The following TTN variants were observed in gnomAD, a reference collection of about 807,000 sequenced individuals.
TTN encodes titin, also known as connectin.
Under a neutral mutation model 3,223.0 loss-of-function variants are expected in TTN, and 1,525 were observed. The ratio of observed to expected loss-of-function variants is 0.47; its 90% CI spans 0.45 to 0.49. The LOEUF is 0.49. Ranked by LOEUF, TTN falls within the 20% of genes least tolerant of loss-of-function variation. The pLI, the probability that TTN is intolerant of heterozygous loss-of-function variation, is 0.00. For missense variants in TTN, 40,786 were observed against 43,424.0 expected (o/e 0.94, Z 5.40); for synonymous variants, 14,094 against 15,161.0 (o/e 0.93, Z 5.17).
chr2:178,732,484 T>C lies in TTN; in HGVS notation c.16577A>G (p.Asn5526Ser), dbSNP rs767376352. 3.1e-6 allele frequency: 5 copies of C among 1,613,028 alleles called. No homozygotes were observed. Among genetic ancestry groups the C allele is most frequent in the African/African-American group, 2.7e-5 (2 of 74,872 alleles). The stretch of plus-strand genomic sequence containing the variant: ...ACTGCATTCCACCCCTCCAGCGACA[T>C]TGCTGACTTTACATGTGTACGTGCC... ...DSGTYTCKVS[N>S]VAGGVECSAN... Residue 5526 changes from asparagine (N) to serine (S), a missense_variant, in exon 56 of 363, where the codon AAT becomes AGT. Coordinates refer to ENST00000589042, the MANE Select transcript of TTN (RefSeq NM_001267550.2).
At chr2:178,715,321 A>C in intron 89 of TTN, 57 bp from the exon 90 acceptor site, 1 of 1,529,046 alleles carries the variant, frequency 6.5e-7, no homozygotes, top group Non-Finnish European at 8.8e-7. Context: ...AGTTAAAAGT[A>C]AGAATCAATC....
At chr2:178,681,054 C>T in intron 138 of TTN, 25 bp downstream of exon 138, 1 of 1,560,918 alleles carries the variant, frequency 6.4e-7, no homozygotes, top group Non-Finnish European at 8.7e-7. Context: ...GAAAAGATCA[C>T]AATCGAGGAA....
At position 178,558,369 on chromosome 2, in the gene TTN, CAGA is replaced by C. The variant is rs771679119; in HGVS notation, c.87087_87089del (p.Leu29031del). ...GTTGCTCCTTAATAAGAACAGGAAG[CAGA>C]AGCTCTCTCGGGTCACTCAGGCCAG... On this transcript the variant is annotated inframe_deletion, in exon 327 of 363. Transcript: ENST00000589042. 6.2e-7 allele frequency: 1 copy of C among 1,613,434 alleles called. No homozygotes were observed. The highest frequency in any genetic ancestry group is 1.7e-5 in the Admixed American group (1 of 59,944).
intron 167 of TTN, 57 bp downstream of exon 167, chr2:178,664,597 A>G: frequency 6.2e-7 from 1 of 1,606,244 alleles, no homozygotes; most frequent in Non-Finnish European, 8.5e-7. Flanking sequence ...AATCAGGAAA[A>G]ACATTTATAC....
At chr2:178,693,712 T>A in intron 118 of TTN, 23 bp from the exon 119 acceptor site, 1 of 1,541,588 alleles carries the variant, frequency 6.5e-7, no homozygotes, top group Non-Finnish European at 8.9e-7. Flanking sequence ...TACATTTTAA[T>A]TACTGATATG....
rs182907667 is a variant in TTN, at chr2:178,594,080, G to A, written c.58313C>T (p.Thr19438Ile). The change falls in exon 297 of 363, where the codon ACA becomes ATA. Residue 19438 changes from threonine (T) to isoleucine (I), a missense_variant. By Grantham distance (89) the Thr-to-Ile change is moderately conservative. Transcript: ENST00000589042. ...LEDDRTHIKT[T>I]PATLALEKIK... ...CTTCTCTAAAGCAAGTGTTGCTGGTGTAGTCTTTATATGAGTGCGATCATC... is the reference window on the plus strand; with the variant it reads ...CTTCTCTAAAGCAAGTGTTGCTGGTATAGTCTTTATATGAGTGCGATCATC... 6.2e-7 allele frequency: 1 copy of A among 1,613,452 alleles called. No homozygotes were observed. The highest frequency in any genetic ancestry group is 2.2e-5 in the East Asian group (1 of 44,742).
chr2:178,723,122 T>G lies in TTN; in HGVS notation c.21885A>C (p.Arg7295Ser), dbSNP rs1411254237. The change falls in exon 75 of 363, where the codon AGA (arginine) becomes AGC (serine). Residue 7295 changes from arginine to serine, a missense_variant. By Grantham distance (110) the Arg-to-Ser change is moderately radical. Coordinates refer to ENST00000589042, the MANE Select transcript of TTN (RefSeq NM_001267550.2). ...CILEILNSTK[R>S]DAGQYSCEIE... Reference sequence around the variant, plus strand: ...TCTCGCAGGAATACTGCCCTGCATCTCTTTTTGTGCTATTCAGAATTTCCA... The same window carrying G: ...TCTCGCAGGAATACTGCCCTGCATCGCTTTTTGTGCTATTCAGAATTTCCA... 5 of 1,613,504 alleles carry G rather than the reference T, an allele frequency of 3.1e-6. No individual in the cohort carries two copies. The African/African-American group carries it at 4.0e-5, about 13-fold the overall frequency.
chr2:178,611,652 T>C lies in TTN; in HGVS notation c.50577A>G (p.Leu16859=). 6.2e-7 allele frequency: 1 copy of C among 1,613,002 alleles called. No homozygotes were observed. Among genetic ancestry groups the C allele is most frequent in the East Asian group, 2.2e-5 (1 of 44,684 alleles). The change falls in exon 269 of 363, where the codon CTA becomes CTG. Residue 16859 remains leucine (L), a synonymous_variant. Coordinates refer to ENST00000589042, the MANE Select transcript of TTN (RefSeq NM_001267550.2). ...PTSPPSPPLD[L]HVTDAGRKHI... is the part of the protein sequence containing the mutation. Reference sequence around the variant, plus strand: ...GTTTTCTCCCAGCATCAGTCACATGTAGGTCAAGGGGTGGTGAGGGAGGAC... The same window carrying C: ...GTTTTCTCCCAGCATCAGTCACATGCAGGTCAAGGGGTGGTGAGGGAGGAC...
In TTN at chr2:178,733,068, C is replaced by T; in HGVS notation, c.16108G>A (p.Val5370Ile). ...CAGTCCAGTCTGCAGGTACCATTAACAACACTATCCACGTTGCGCAAGGGT... is the reference window on the plus strand; with the variant it reads ...CAGTCCAGTCTGCAGGTACCATTAATAACACTATCCACGTTGCGCAAGGGT... ...TKPLRNVDSV[V>I]NGTCRLDCKI... Residue 5370 changes from valine (V) to isoleucine (I), a missense_variant, in exon 55 of 363, where the codon GTT (valine) becomes ATT (isoleucine). Val to Ile is a conservative substitution (Grantham distance 29). Transcript: ENST00000589042. The T allele has an allele frequency of 1.9e-6, 3 of 1,610,266 alleles. No homozygotes were observed. Among genetic ancestry groups the T allele is most frequent in the South Asian group, 1.1e-5 (1 of 90,632 alleles).
rs1193239944 is a variant in TTN, at chr2:178,609,983, G to T, written c.51440C>A (p.Pro17147His). The T allele has an allele frequency of 5.6e-6, 9 of 1,610,112 alleles. No homozygotes were observed. The highest frequency in any genetic ancestry group is 7.6e-6 in the Non-Finnish European group (9 of 1,178,550). Residue 17147 changes from proline to histidine, a missense_variant, in exon 272 of 363, where the codon CCC becomes CAC. Physicochemically the swap from Pro to His is moderately conservative, Grantham distance 77 (BLOSUM62 -2). Coordinates refer to ENST00000589042, the MANE Select transcript of TTN (RefSeq NM_001267550.2). ...NPVIAQDPKQ[P>H]PDPPVDVEVH... is the part of the protein sequence containing the mutation. ...CTCTACATCTACAGGTGGATCAGGG[G>T]GTTCTGAAGAACAAGAAAAAAATGT...
At position 178,732,631 on chromosome 2, in the gene TTN, GT is replaced by G; in HGVS notation, c.16429del (p.Thr5477LeufsTer27). The G allele has an allele frequency of 6.2e-7, 1 of 1,613,360 alleles. No individual in the cohort carries two copies. Among genetic ancestry groups the G allele is most frequent in the Non-Finnish European group, 8.5e-7 (1 of 1,179,638 alleles). Reference protein sequence around the residue: ...VCLKSTFQGSTPLTIRWFKGN... With the variant: ...VCLKSTFQGSXPLTIRWFKGN... ...CTTAAACCATCTGATTGTGAGAGGA[GT>G]AGATCCTTGGAAAGTGCTCTTCAGG... On this transcript the variant is annotated frameshift_variant, in exon 56 of 363. Coordinates refer to ENST00000589042, the MANE Select transcript of TTN (RefSeq NM_001267550.2). LOFTEE classifies it high-confidence loss of function.
chr2:178,540,481 G>C, intron 350 of TTN, 111 bp from the exon 351 acceptor site: 1 of 944,926 alleles, frequency 1.1e-6, no homozygotes, highest in Admixed American at 2.9e-5. Flanking sequence ...ACATTAGCCT[G>C]TTTTTTTGTC....
In TTN at chr2:178,741,533, C is replaced by A; in HGVS notation, c.11700G>T (p.Lys3900Asn). ...TTTTTAGATAGGCACTACATATTGT[C>A]TTTCCATAGTCATTACTGGCCATAC... ...YTCMASNDYG[K>N]TICSAYLKIN... The change falls in exon 48 of 363, where the codon AAG (lysine) becomes AAT (asparagine). Residue 3900 changes from lysine to asparagine, a missense_variant. Lys to Asn is a moderately conservative substitution (Grantham distance 94). Transcript: ENST00000589042. 1 of 1,613,864 alleles carries A rather than the reference C, an allele frequency of 6.2e-7. No homozygotes were observed. Among genetic ancestry groups the A allele is most frequent in the Non-Finnish European group, 8.5e-7 (1 of 1,179,818 alleles).
At position 178,661,739 on chromosome 2, in the gene TTN, C is replaced by G; in HGVS notation, c.37285+20G>C. ...GCACAAGAGATAGATCATCTGAAGC[C>G]TAAAATCAGTGACAAATACCTTTAA... is the stretch of plus-strand genomic sequence containing the variant. On this transcript the variant is annotated intron_variant, in intron 180 of 362. Coordinates refer to ENST00000589042, the MANE Select transcript of TTN (RefSeq NM_001267550.2). 1 of 1,599,392 alleles carries G rather than the reference C, an allele frequency of 6.3e-7. No individual in the cohort carries two copies. Among genetic ancestry groups the G allele is most frequent in the Non-Finnish European group, 8.5e-7 (1 of 1,175,364 alleles).
intron 15 of TTN, among the ~76,000 whole-genome samples, chr2:178,784,669 G>A (rs779744251): frequency 6.6e-6 from 1 of 152,106 alleles, no homozygotes; most frequent in Non-Finnish European, 1.5e-5. Flanking sequence ...TAACCATTCC[G>A]ATGAATGCCA....
At chr2:178,559,041 A>T (rs912759714) in intron 326 of TTN, 1 of 296,736 alleles carries the variant, frequency 3.4e-6, no homozygotes, top group African/African-American at 2.2e-5. Flanking sequence ...ATATATAAAC[A>T]TGTATACCTA....
rs1455500759 is a variant in TTN at position 178,589,512 on chromosome 2, A to G, written c.62213T>C (p.Ile20738Thr). ...YMVDRCVENQ[I>T]YEFRVQTKNE... Reference sequence around the variant, plus strand: ...CTTTGTTTGCACTCTGAACTCATAAATCTGGTTTTCAACACATCTGTCAAC... The same window carrying G: ...CTTTGTTTGCACTCTGAACTCATAAGTCTGGTTTTCAACACATCTGTCAAC... Residue 20738 changes from isoleucine to threonine, a missense_variant, in exon 304 of 363, where the codon ATT becomes ACT. Coordinates refer to ENST00000589042, the MANE Select transcript of TTN (RefSeq NM_001267550.2). The G allele has an allele frequency of 6.2e-7, 1 of 1,613,180 alleles. No homozygotes were observed. The highest frequency in any genetic ancestry group is 8.5e-7 in the Non-Finnish European group (1 of 1,179,602).
In TTN at chr2:178,588,054, C is replaced by T. The variant is rs755796313; in HGVS notation, c.63353G>A (p.Arg21118Gln). 18 of 1,612,830 alleles carry T rather than the reference C, an allele frequency of 1.1e-5. No homozygotes were observed. Among genetic ancestry groups the T allele is most frequent in the South Asian group, 2.2e-5 (2 of 91,032 alleles). The change falls in exon 305 of 363, where the codon CGG becomes CAG. Residue 21118 changes from arginine to glutamine, a missense_variant. Physicochemically the swap from Arg to Gln is conservative, Grantham distance 43. Transcript: ENST00000589042. ...ADASPDEGWK[R>Q]CNAAAQLVRK... The stretch of plus-strand genomic sequence containing the variant: ...TACAAGCTGTGCTGCAGCATTACAC[C>T]GTTTCCAGCCTTCATCAGGAGACGC...
chr2:178,793,327 T>G (rs2093610714), intron 9 of TTN, 77 bp downstream of exon 9: 1 of 1,562,196 alleles, frequency 6.4e-7, no homozygotes, highest in African/African-American at 1.4e-5. Context: ...GGAACAACAC[T>G]CTTCATGGTA....
Sources: gnomAD v4.1 joint callset for allele counts (sites outside exome capture counted in the v4.1 genomes callset) on GRCh38, gnomAD v4.1.1 for gene constraint, MANE v1.5 for transcripts, NCBI Gene and HGNC (gene_info 2026-07-23, HGNC 2026-07-21) for gene names.